The following RFX6 variants were observed in gnomAD, a reference collection of about 807,000 sequenced individuals.
The protein encoded by RFX6 is regulatory factor X6.
RFX6 carries 50 observed loss-of-function variants against 110.8 expected under a neutral mutation model. The ratio of observed to expected loss-of-function variants is 0.45; its 90% CI spans 0.36 to 0.57. The LOEUF (loss-of-function observed/expected upper bound fraction) is 0.57, where lower values mean the gene tolerates loss of function less well. RFX6 is among the 20% of genes least tolerant of loss of function. RFX6 has a pLI of 0.00. For synonymous variants in RFX6, 383 were observed against 411.2 expected (o/e 0.93, Z 0.83); for missense variants, 990 against 1,127.0 (o/e 0.88, Z 1.74).
At chr6:116,899,143 TATA>T (rs1390999466) in intron 6 of RFX6, among the ~76,000 whole-genome samples, 3 of 152,110 alleles carry the variant, frequency 2.0e-5, no homozygotes, top group African/African-American at 7.2e-5. Context: ...CAGGAACAGT[TATA>T]ATAAGAGAAG....
chr6:116,884,700 A>G (rs1443510619), intron 4 of RFX6: 1 of 152,152 alleles, frequency 6.6e-6, no homozygotes. Context: ...AAGTCAATTA[A>G]TCTTTGAAGG....
chr6:116,913,139 C>T (rs1775390618), intron 7 of RFX6, among the ~76,000 whole-genome samples: 1 of 152,172 alleles, frequency 6.6e-6, no homozygotes, highest in Admixed American at 6.5e-5. Flanking sequence ...CATCTCGGCT[C>T]ACGGCAACCT....
At position 116,877,270 on chromosome 6, in the gene RFX6, A is replaced by C; in HGVS notation, c.-6A>C. On this transcript the variant is annotated 5_prime_UTR_variant, in exon 1 of 19. Coordinates refer to ENST00000332958, the MANE Select transcript of RFX6 (RefSeq NM_173560.4). Reference sequence around the variant, plus strand: ...GCGCGCGCGGAGGTGTCCGGCGGCCAGGAGGATGGCCAAGGTCCCGGAGCT... The same window carrying C: ...GCGCGCGCGGAGGTGTCCGGCGGCCCGGAGGATGGCCAAGGTCCCGGAGCT... 1 of 1,606,018 alleles carries C rather than the reference A, an allele frequency of 6.2e-7. No individual in the cohort carries two copies. Among genetic ancestry groups the C allele is most frequent in the Non-Finnish European group, 8.5e-7 (1 of 1,176,492 alleles).
Position 116,916,083 on chromosome 6 carries a change from G to A in RFX6, c.856G>A (p.Glu286Lys), listed in dbSNP as rs750505850. 4 of 1,604,250 alleles carry A rather than the reference G, an allele frequency of 2.5e-6. No individual in the cohort carries two copies. The highest frequency in any genetic ancestry group is 2.2e-5 in the South Asian group (2 of 90,842). ...CAATGCAATTAATGGAAACTTTGAA[G>A]AGGTAAGAATGACAAAGAATGCTTT... is the stretch of plus-strand genomic sequence containing the variant. ...LDNAINGNFE[E>K]IQHFLLHFWQ... Residue 286 changes from glutamate to lysine, a missense_variant and splice_region_variant, in exon 8 of 19, where the codon GAG becomes AAG. Around this residue, in one of 5 missense-constraint regions of RFX6, gnomAD observed 243 missense variants for 353.1 expected, o/e 0.69. Coordinates refer to ENST00000332958, the MANE Select transcript of RFX6 (RefSeq NM_173560.4).
chr6:116,889,417 A>G (rs1437784823), intron 4 of RFX6, among the ~76,000 whole-genome samples: 2 of 152,122 alleles, frequency 1.3e-5, no homozygotes, highest in African/African-American at 4.8e-5. Flanking sequence ...TATGGGAGGT[A>G]AGCCATGTAT....
At chr6:116,882,260 A>C in intron 3 of RFX6, 107 bp from the exon 4 acceptor site, 1 of 780,272 alleles carries the variant, frequency 1.3e-6, no homozygotes, top group Non-Finnish European at 2.3e-6. Flanking sequence ...ATTCACTCAC[A>C]GTTCATTCAG....
chr6:116,908,689 GACACAC>G (rs35170155), intron 6 of RFX6, among the ~76,000 whole-genome samples: 32,900 of 118,960 alleles, frequency 0.28, 3,939 homozygotes, highest in Non-Finnish European at 0.34. Context: ...CACACACACA[GACACAC>G]ACACACACAC....
rs1420235903 is a variant in RFX6 at position 116,880,433 on chromosome 6, A to C, written c.381-111A>C. On this transcript the variant is annotated intron_variant, in intron 2 of 18. Coordinates refer to ENST00000332958, the MANE Select transcript of RFX6 (RefSeq NM_173560.4). ...GAATAAACGAAGTCTACTTATGTCT[A>C]CTCATTACCTCATTTATAGAGTCCA... 4.4e-6 allele frequency: 4 copies of C among 899,766 alleles called. No individual in the cohort carries two copies. The East Asian group carries it at 1.0e-4, about 23-fold the overall frequency. 55.7% of individuals were successfully genotyped at this position (899,766 alleles called of 1,614,324 possible).
intron 18 of RFX6, among the ~76,000 whole-genome samples, chr6:116,930,818 C>T (rs1284555138): frequency 6.6e-6 from 1 of 152,090 alleles, no homozygotes; most frequent in Non-Finnish European, 1.5e-5. Flanking sequence ...AAATCAGGGG[C>T]CCATCTACAT....
At chr6:116,924,840 T>C (rs1775675336) in intron 15 of RFX6, 49 bp downstream of exon 15, 10 of 1,354,928 alleles carry the variant, frequency 7.4e-6, no homozygotes, top group Admixed American at 1.7e-5. Flanking sequence ...GTTTTAATCT[T>C]AAGTTCAAGA....
intron 6 of RFX6, among the ~76,000 whole-genome samples, chr6:116,904,552 T>A (rs1775153220): frequency 6.6e-6 from 1 of 152,122 alleles, no homozygotes; most frequent in African/African-American, 2.4e-5. Flanking sequence ...CATTTTTGAG[T>A]GTACAGTTTT....
chr6:116,928,854 C>T lies in RFX6; in HGVS notation c.2494C>T (p.Pro832Ser), dbSNP rs1775815174. 1.9e-6 allele frequency: 3 copies of T among 1,611,298 alleles called. No individual in the cohort carries two copies. Among genetic ancestry groups the T allele is most frequent in the East Asian group, 2.2e-5 (1 of 44,858 alleles). The change falls in exon 18 of 19, where the codon CCC becomes TCC. Residue 832 changes from proline (P) to serine (S), a missense_variant. Pro to Ser is a moderately conservative substitution (Grantham distance 74, BLOSUM62 -1). This residue lies in a region of RFX6 where 438 missense variants were observed against 441.9 expected (regional missense o/e 0.99). Transcript: ENST00000332958. ...VSVISSIRSL[P>S]PYSDIHDPLN... Reference sequence around the variant, plus strand: ...TGTCATCAGCAGCATTCGTTCACTGCCCCCCTACAGTGACATCCACGATCC... The same window carrying T: ...TGTCATCAGCAGCATTCGTTCACTGTCCCCCTACAGTGACATCCACGATCC...
chr6:116,908,935 T>G (rs1028761950), intron 6 of RFX6, among the ~76,000 whole-genome samples: 3 of 152,122 alleles, frequency 2.0e-5, no homozygotes, highest in African/African-American at 7.2e-5. Flanking sequence ...TGAAATATAA[T>G]TTTTCTTTTT....
intron 18 of RFX6, among the ~76,000 whole-genome samples, chr6:116,930,066 T>C (rs1021186754): frequency 6.6e-6 from 1 of 152,232 alleles, no homozygotes; most frequent in Non-Finnish European, 1.5e-5. Context: ...GTGTTGCTAT[T>C]GTTACTATTA....
chr6:116,917,986 T>C (rs763235902), intron 9 of RFX6, 51 bp from the exon 10 acceptor site: 1 of 1,298,052 alleles, frequency 7.7e-7, no homozygotes, highest in Non-Finnish European at 1.1e-6. Context: ...TATGTCTTTC[T>C]ATAGAAATAC....
chr6:116,918,121 T>A, intron 10 of RFX6, 35 bp downstream of exon 10: 1 of 1,437,396 alleles, frequency 7.0e-7, no homozygotes, highest in Non-Finnish European at 9.8e-7. Context: ...GCATTCCTAG[T>A]ATAGGATTTA....
At chr6:116,909,887 A>G (rs1775295483) in intron 6 of RFX6, among the ~76,000 whole-genome samples, 1 of 151,678 alleles carries the variant, frequency 6.6e-6, no homozygotes, top group Non-Finnish European at 1.5e-5. Context: ...GGCTTCTAAA[A>G]TATCTGGTGT....
intron 6 of RFX6, among the ~76,000 whole-genome samples, chr6:116,902,373 C>T (rs1210248420): frequency 1.3e-5 from 2 of 151,532 alleles, no homozygotes; most frequent in Non-Finnish European, 3.0e-5. Context: ...ACAACAACAA[C>T]AAAAAACAAC....
At chr6:116,886,030 AAAGT>A (rs1198770871) in intron 4 of RFX6, among the ~76,000 whole-genome samples, 4 of 152,170 alleles carry the variant, frequency 2.6e-5, no homozygotes, top group African/African-American at 7.2e-5. Flanking sequence ...ACAGAAATAT[AAAGT>A]AAGTATACCT....
Sources: gnomAD v4.1 joint callset for allele counts (sites outside exome capture counted in the v4.1 genomes callset) on GRCh38, gnomAD v4.1.1 for gene constraint, gnomAD v4.1.1 regional missense constraint, MANE v1.5 for transcripts, NCBI Gene and HGNC (gene_info 2026-07-23, HGNC 2026-07-21) for gene names.